NRXN1: variants seen among roughly 807,000 people sequenced by gnomAD.
NRXN1 encodes the protein neurexin-1.
In NRXN1, 39 loss-of-function variants were observed where a neutral mutation model predicts 150.9. That is an observed-to-expected ratio of 0.26 (90% CI 0.20 to 0.34). The LOEUF is 0.34. NRXN1 is among the 10% of genes least tolerant of loss of function. The pLI is 1.00. For missense variants in NRXN1, 1,815 were observed against 1,949.9 expected (o/e 0.93, Z 1.30); for synonymous variants, 924 against 757.0 (o/e 1.22, Z -3.62).
intron 21 of NRXN1, among the ~76,000 whole-genome samples, chr2:49,954,040 T>C (rs189269370): frequency 6.6e-6 from 1 of 152,204 alleles, no homozygotes; most frequent in Non-Finnish European, 1.5e-5. Context: ...ATTATTATTA[T>C]AACTAATAAT....
At chr2:50,336,117 A>C (rs529354481) in intron 17 of NRXN1, among the ~76,000 whole-genome samples, 2 of 152,348 alleles carry the variant, frequency 1.3e-5, no homozygotes, top group Admixed American at 1.3e-4. Flanking sequence ...GAATTATAAG[A>C]GTAATCCTTT....
rs141180665 is a variant in NRXN1 at position 50,746,785 on chromosome 2, G to A, written c.833-123170C>T. On this transcript the variant is annotated intron_variant, in intron 5 of 22. Transcript: ENST00000401669. ...TGAAATTAGGATGCATTTCAAGGGCGGGACCAAATTCTCCTCCACTTCTAC... is the reference window on the plus strand; with the variant it reads ...TGAAATTAGGATGCATTTCAAGGGCAGGACCAAATTCTCCTCCACTTCTAC... Among the ~76,000 whole-genome samples, 1,336 of 152,138 alleles carry A rather than the reference G, an allele frequency of 8.8e-3. 12 individuals are homozygous for A. The highest frequency in any genetic ancestry group is 0.014 in the Non-Finnish European group (918 of 67,998).
chr2:50,210,666 C>T (rs1402166), intron 18 of NRXN1, among the ~76,000 whole-genome samples: 46,447 of 151,288 alleles, frequency 0.31, 7,599 homozygotes, highest in East Asian at 0.43. Context: ...TTCAGCCAAG[C>T]AGGAACACAT....
At chr2:51,021,231 C>G (rs1052302812) in intron 2 of NRXN1, among the ~76,000 whole-genome samples, 2 of 151,924 alleles carry the variant, frequency 1.3e-5, no homozygotes, top group Non-Finnish European at 2.9e-5. Flanking sequence ...ACAGTTTGCA[C>G]AGCAACTTCT....
chr2:50,949,123 A>G (rs1442936652), intron 2 of NRXN1, among the ~76,000 whole-genome samples: 1 of 152,014 alleles, frequency 6.6e-6, no homozygotes, highest in Non-Finnish European at 1.5e-5. Context: ...AGTGAGAGGA[A>G]CCTGAAAATA....
rs1226140989 is a variant in NRXN1, at chr2:50,874,541, T to G, written c.832+47328A>C. ...GTTAGCATCACGTTTTGAGAATAAT[T>G]TTTGATAAATGTGGTATGCTTTTAT... On this transcript the variant is annotated intron_variant, in intron 5 of 22. Coordinates refer to ENST00000401669, the MANE Select transcript of NRXN1 (RefSeq NM_001330078.2). Among the ~76,000 whole-genome samples the G allele has an allele frequency of 7.2e-5, 11 of 151,840 alleles. No individual in the cohort carries two copies. The East Asian group carries it at 2.1e-3, about 30-fold the overall frequency.
At chr2:50,942,695 G>A (rs909471717) in intron 2 of NRXN1, among the ~76,000 whole-genome samples, 6 of 152,184 alleles carry the variant, frequency 3.9e-5, no homozygotes, top group African/African-American at 1.4e-4. Flanking sequence ...TTTACCCAAT[G>A]CCTAAACTTC....
chr2:50,534,633 T>C (rs1390068668), intron 10 of NRXN1, among the ~76,000 whole-genome samples: 6 of 152,178 alleles, frequency 3.9e-5, no homozygotes. Context: ...ATGACCCATA[T>C]CTGTAAAGCA....
intron 19 of NRXN1, among the ~76,000 whole-genome samples, chr2:50,062,824 T>C (rs1694755133): frequency 6.6e-6 from 1 of 152,166 alleles, no homozygotes; most frequent in South Asian, 2.1e-4. Flanking sequence ...CAGCATTTGA[T>C]ATGACATATT....
intron 2 of NRXN1, among the ~76,000 whole-genome samples, chr2:50,987,286 T>G (rs989475670): frequency 6.6e-6 from 1 of 151,914 alleles, no homozygotes; most frequent in African/African-American, 2.4e-5. Context: ...AAAAAAGTAT[T>G]AACAATAAAA....
chr2:50,510,467 CAGAG>C (rs1294032891), intron 12 of NRXN1, among the ~76,000 whole-genome samples: 1 of 100,900 alleles, frequency 9.9e-6, no homozygotes, highest in Non-Finnish European at 1.8e-5. Flanking sequence ...GCCTGGATGA[CAGAG>C]AGAGACTCCA....
At chr2:50,417,423 C>T (rs1157994888) in intron 17 of NRXN1, among the ~76,000 whole-genome samples, 2 of 152,038 alleles carry the variant, frequency 1.3e-5, no homozygotes, top group African/African-American at 4.8e-5. Context: ...TGCTTCACTA[C>T]GAATGAAGAA....
chr2:50,729,365 T>C (rs1439844884), intron 5 of NRXN1, among the ~76,000 whole-genome samples: 3 of 152,212 alleles, frequency 2.0e-5, no homozygotes, highest in Non-Finnish European at 4.4e-5. Flanking sequence ...AAAATAATTA[T>C]GCTCATTTTG....
At chr2:50,552,268 T>C (rs995639844) in intron 9 of NRXN1, among the ~76,000 whole-genome samples, 1 of 152,166 alleles carries the variant, frequency 6.6e-6, no homozygotes, top group African/African-American at 2.4e-5. Context: ...AAACTGGGAA[T>C]AGAAAAACTT....
intron 17 of NRXN1, among the ~76,000 whole-genome samples, chr2:50,275,706 C>A (rs1361410304): frequency 2.0e-5 from 3 of 152,022 alleles, no homozygotes; most frequent in Non-Finnish European, 2.9e-5. Flanking sequence ...ATCAGTAGTT[C>A]ATTTTGGTAG....
At chr2:50,943,330 T>C (rs945664757) in intron 2 of NRXN1, among the ~76,000 whole-genome samples, 1 of 152,196 alleles carries the variant, frequency 6.6e-6, no homozygotes, top group African/African-American at 2.4e-5. Context: ...TTTTTGCAAT[T>C]ACTTTTACTG....
At chr2:50,779,017 AT>A (rs544782567) in intron 5 of NRXN1, among the ~76,000 whole-genome samples, 5 of 151,898 alleles carry the variant, frequency 3.3e-5, no homozygotes, top group East Asian at 1.9e-4. Context: ...ATACATCTAC[AT>A]TTTTTTTCTT....
Position 50,331,984 on chromosome 2 carries a change from G to T in NRXN1, c.3365-95014C>A, listed in dbSNP as rs139910889. Among the ~76,000 whole-genome samples, 29 of 152,224 alleles carry T rather than the reference G, an allele frequency of 1.9e-4. 1 individual carries two copies. Among genetic ancestry groups the T allele is most frequent in the African/African-American group, 6.7e-4 (28 of 41,554 alleles). On this transcript the variant is annotated intron_variant, in intron 17 of 22. Coordinates refer to ENST00000401669, the MANE Select transcript of NRXN1 (RefSeq NM_001330078.2). ...CTTTAAAGGTACAACCTAGGCATGT[G>T]CAGTTTCAGTAAACTCCTTAGGTGA... is the stretch of plus-strand genomic sequence containing the variant.
intron 5 of NRXN1, among the ~76,000 whole-genome samples, chr2:50,715,426 G>A (rs538876209): frequency 6.6e-6 from 1 of 152,234 alleles, no homozygotes; most frequent in African/African-American, 2.4e-5. Context: ...CAGGGTTGCT[G>A]TAAAGATTAA....
Sources: gnomAD v4.1 joint callset for allele counts (sites outside exome capture counted in the v4.1 genomes callset) on GRCh38, gnomAD v4.1.1 for gene constraint, MANE v1.5 for transcripts, NCBI Gene and HGNC (gene_info 2026-07-23, HGNC 2026-07-21) for gene names.